Variants in SLC12A2 observed in about 807,000 individuals in gnomAD.
The protein encoded by SLC12A2 is solute carrier family 12 member 2.
SLC12A2 carries 67 observed loss-of-function variants against 136.3 expected under a neutral mutation model. The ratio of observed to expected loss-of-function variants is 0.49; its 90% CI spans 0.40 to 0.60. SLC12A2 has a LOEUF of 0.60. SLC12A2 is among the 20% of genes least tolerant of loss of function. SLC12A2 has a pLI of 0.00. For synonymous variants in SLC12A2, 619 were observed against 562.9 expected (o/e 1.10, Z -1.41); for missense variants, 1,322 against 1,534.7 (o/e 0.86, Z 2.32).
chr5:128,167,683 G>A, intron 17 of SLC12A2, 78 bp from the exon 18 acceptor site: 1 of 956,326 alleles, frequency 1.0e-6, no homozygotes, highest in Non-Finnish European at 1.6e-6. Context: ...TGTCAATTTG[G>A]AGGACAGTTT....
intron 4 of SLC12A2, among the ~76,000 whole-genome samples, chr5:128,120,768 G>A (rs953874501): frequency 1.3e-5 from 2 of 152,058 alleles, no homozygotes; most frequent in Admixed American, 1.3e-4. Flanking sequence ...TAAATGACGA[G>A]TTAATGGGTG....
At chr5:128,176,213 C>G (rs1165513820) in intron 20 of SLC12A2, among the ~76,000 whole-genome samples, 7 of 151,988 alleles carry the variant, frequency 4.6e-5, no homozygotes, top group African/African-American at 1.4e-4. Context: ...TTAATACTTG[C>G]ATTAGTATAA....
chr5:128,126,968 T>TA (rs1761831735), intron 4 of SLC12A2, among the ~76,000 whole-genome samples: 6 of 54,352 alleles, frequency 1.1e-4, no homozygotes, highest in East Asian at 5.4e-4. Context: ...ATATATATAT[T>TA]TTTTTTTTTT....
At chr5:128,180,516 A>G (rs1763675961) in intron 22 of SLC12A2, among the ~76,000 whole-genome samples, 1 of 152,164 alleles carries the variant, frequency 6.6e-6, no homozygotes, top group African/African-American at 2.4e-5. Flanking sequence ...GTGGAGATAT[A>G]AATGGAGATC....
At chr5:128,089,653 T>C (rs1460767480) in intron 1 of SLC12A2, among the ~76,000 whole-genome samples, 3 of 152,230 alleles carry the variant, frequency 2.0e-5, no homozygotes, top group Non-Finnish European at 2.9e-5. Context: ...TTATTATGAC[T>C]TCTTCACTAG....
intron 13 of SLC12A2, among the ~76,000 whole-genome samples, chr5:128,150,622 A>G (rs1180624357): frequency 2.0e-5 from 3 of 151,814 alleles, no homozygotes; most frequent in Non-Finnish European, 4.4e-5. Flanking sequence ...TATAAATTCT[A>G]TTGAAATTAT....
At chr5:128,093,289 TAACCTG>T (rs913891989) in intron 1 of SLC12A2, among the ~76,000 whole-genome samples, 19 of 152,242 alleles carry the variant, frequency 1.2e-4, no homozygotes, top group African/African-American at 4.6e-4. Context: ...CCTCCTTCTC[TAACCTG>T]AACATCCTCA....
At position 128,188,775 on chromosome 5, in the gene SLC12A2, G is replaced by A. The variant is rs1763948314; in HGVS notation, c.*2144G>A. On this transcript the variant is annotated 3_prime_UTR_variant, in exon 27 of 27. Transcript: ENST00000262461. The stretch of plus-strand genomic sequence containing the variant: ...AAAAATTTCTACATTATAACTCACA[G>A]CATTGTTCCATTGCAGGTTTTGCAA... 6.6e-6 allele frequency: 1 copy of A among 151,378 alleles called. No homozygotes were observed. 9.4% of individuals were successfully genotyped at this position (151,378 alleles called of 1,614,324 possible).
chr5:128,118,327 C>G (rs1761430461), intron 4 of SLC12A2, among the ~76,000 whole-genome samples: 1 of 152,110 alleles, frequency 6.6e-6, no homozygotes, highest in African/African-American at 2.4e-5. Flanking sequence ...ACTTAAATGC[C>G]TATCAACCAG....
intron 15 of SLC12A2, among the ~76,000 whole-genome samples, chr5:128,153,996 A>G (rs537804810): frequency 1.8e-4 from 27 of 152,116 alleles, no homozygotes; most frequent in Admixed American, 5.9e-4. Context: ...TATTTTATGT[A>G]AAAAGTTGTA....
In SLC12A2 at chr5:128,112,801, T is replaced by C. The variant is rs1199605754; in HGVS notation, c.757-13T>C. ...AAATGTTAAGCATAATTCATATTTC[T>C]TTTTATAACCAGGAACCTTTTGAGG... On this transcript the variant is annotated splice_polypyrimidine_tract_variant and intron_variant, in intron 1 of 26. Coordinates refer to ENST00000262461, the MANE Select transcript of SLC12A2 (RefSeq NM_001046.3). 1 of 1,586,146 alleles carries C rather than the reference T, an allele frequency of 6.3e-7. No homozygotes were observed. Among genetic ancestry groups the C allele is most frequent in the South Asian group, 1.2e-5 (1 of 86,652 alleles).
At chr5:128,180,851 A>G in intron 22 of SLC12A2, 32 bp from the exon 23 acceptor site, 1 of 1,251,526 alleles carries the variant, frequency 8.0e-7, no homozygotes, top group Non-Finnish European at 1.2e-6. Flanking sequence ...ATTTGCATTT[A>G]GTAAATGATT....
intron 14 of SLC12A2, among the ~76,000 whole-genome samples, chr5:128,151,881 A>G (rs1430369100): frequency 6.6e-6 from 1 of 152,138 alleles, no homozygotes; most frequent in African/African-American, 2.4e-5. Flanking sequence ...ACTGTGTAGC[A>G]GGGGAAATTG....
chr5:128,132,779 A>G (rs1419855504), intron 5 of SLC12A2, among the ~76,000 whole-genome samples: 7 of 152,216 alleles, frequency 4.6e-5, no homozygotes, highest in Non-Finnish European at 7.4e-5. Context: ...TACCATGAGT[A>G]AGCAATGTAC....
intron 1 of SLC12A2, among the ~76,000 whole-genome samples, chr5:128,097,308 A>C (rs775785871): frequency 1.3e-5 from 2 of 152,088 alleles, no homozygotes; most frequent in Non-Finnish European, 2.9e-5. Context: ...TTTATGTCCT[A>C]CTTTCTCTAT....
At chr5:128,113,036 T>C (rs1561664467) in intron 2 of SLC12A2, 103 bp downstream of exon 2, 1 of 1,034,896 alleles carries the variant, frequency 9.7e-7, no homozygotes, top group Non-Finnish European at 1.3e-6. Flanking sequence ...TTTTTCTCTA[T>C]GTTAACTGTC....
At chr5:128,152,840 C>G (rs1390023559) in intron 15 of SLC12A2, 35 bp downstream of exon 15, 1 of 1,239,310 alleles carries the variant, frequency 8.1e-7, no homozygotes, top group Admixed American at 1.7e-5. Flanking sequence ...GAAGCATTTT[C>G]TCTTTGCTGG....
intron 1 of SLC12A2, among the ~76,000 whole-genome samples, chr5:128,097,076 A>G (rs1295495165): frequency 6.6e-6 from 1 of 152,114 alleles, no homozygotes; most frequent in African/African-American, 2.4e-5. Flanking sequence ...TTCAGTCTCA[A>G]GCCTTCCTAG....
chr5:128,170,099 TTG>T (rs141595184), intron 18 of SLC12A2: 4 of 152,344 alleles, frequency 2.6e-5, no homozygotes, highest in South Asian at 2.1e-4. Flanking sequence ...GCTTTATATA[TTG>T]TGTTTTTATT....
Sources: gnomAD v4.1 joint callset for allele counts (sites outside exome capture counted in the v4.1 genomes callset) on GRCh38, gnomAD v4.1.1 for gene constraint, MANE v1.5 for transcripts, NCBI Gene and HGNC (gene_info 2026-07-23, HGNC 2026-07-21) for gene names.